Variants in TTC8 observed in about 807,000 individuals in gnomAD.
The protein encoded by TTC8 is tetratricopeptide repeat protein 8.
A neutral mutation model predicts 72.5 loss-of-function variants in TTC8; 47 were observed. The observed-to-expected ratio is 0.65, with a 90% CI of 0.51 to 0.83. TTC8 has a LOEUF of 0.83. TTC8 is among the 40% of genes least tolerant of loss of function. The pLI is 0.00. For synonymous variants in TTC8, 199 were observed against 221.4 expected (o/e 0.90, Z 0.90); for missense variants, 611 against 623.2 (o/e 0.98, Z 0.21).
chr14:88,838,038 C>T (rs914811043), intron 2 of TTC8, among the ~76,000 whole-genome samples: 1 of 152,166 alleles, frequency 6.6e-6, no homozygotes, highest in Non-Finnish European at 1.5e-5. Flanking sequence ...AAAAGCCAAT[C>T]ATCTAACCAA....
intron 1 of TTC8, among the ~76,000 whole-genome samples, chr14:88,825,972 ATTTTTTTTAT>A (rs1440283562): frequency 5.9e-5 from 9 of 151,500 alleles, no homozygotes; most frequent in South Asian, 2.1e-4. Context: ...GTTTTTTTAA[ATTTTTTTTAT>A]TTTTTTTTAT....
chr14:88,824,492 T>C, upstream of TTC8: 2 of 579,306 alleles, frequency 3.5e-6, no homozygotes, highest in South Asian at 4.2e-5. Flanking sequence ...CCTTTAAAAG[T>C]AGACATCTTT....
In TTC8 at chr14:88,872,399, G is replaced by A. The variant is rs114401181; in HGVS notation, c.1294G>A (p.Glu432Lys). 435 of 1,613,968 alleles carry A rather than the reference G, an allele frequency of 2.7e-4. No homozygotes were observed. Among genetic ancestry groups the A allele is most frequent in the Non-Finnish European group, 3.5e-4 (415 of 1,179,924 alleles). Residue 432 changes from glutamate (E) to lysine (K), a missense_variant, in exon 13 of 15, where the codon GAG (glutamate) becomes AAG (lysine). Transcript: ENST00000380656. ...TCTGGTCAACAACAACAACCACGCC[G>A]AGGCCTACAACAACCTGGCTGTGCT... ...LALVNNNNHAEAYNNLAVLEM... is the reference protein window; with the variant it reads ...LALVNNNNHAKAYNNLAVLEM...
At chr14:88,842,034 T>G (rs1156388502) in intron 6 of TTC8, among the ~76,000 whole-genome samples, 1 of 151,130 alleles carries the variant, frequency 6.6e-6, no homozygotes, top group East Asian at 1.9e-4. Flanking sequence ...CTCCTTTAAA[T>G]TAAAGAGAAA....
At position 88,870,158 on chromosome 14, in the gene TTC8, T is replaced by G; in HGVS notation, c.1009T>G (p.Phe337Val). Residue 337 changes from phenylalanine (F) to valine (V), a missense_variant, in exon 11 of 15, where the codon TTC becomes GTC. Coordinates refer to ENST00000380656, the MANE Select transcript of TTC8 (RefSeq NM_144596.4). ...EAIACIGSNH[F>V]YSDQPEIALR... ...CATCGCATGCATTGGAAGCAACCAC[T>G]TCTATTCTGATCAGCCAGAAATAGC... 1 of 1,614,148 alleles carries G rather than the reference T, an allele frequency of 6.2e-7. No homozygotes were observed. The highest frequency in any genetic ancestry group is 1.1e-5 in the South Asian group (1 of 91,088).
At chr14:88,849,141 T>G (rs1387068469) in intron 7 of TTC8, among the ~76,000 whole-genome samples, 1 of 152,206 alleles carries the variant, frequency 6.6e-6, no homozygotes, top group African/African-American at 2.4e-5. Flanking sequence ...AGTTTATTCT[T>G]TAAATAATAA....
At chr14:88,839,615 G>C (rs1439414542) in intron 3 of TTC8, 43 bp downstream of exon 3, 2 of 1,605,052 alleles carry the variant, frequency 1.2e-6, no homozygotes, top group East Asian at 4.5e-5. Context: ...ATACCATTAA[G>C]AGGAAGAATA....
chr14:88,840,467 A>G (rs1355637285), intron 3 of TTC8, among the ~76,000 whole-genome samples: 1 of 151,976 alleles, frequency 6.6e-6, no homozygotes, highest in Admixed American at 6.6e-5. Context: ...TAAATTCTAG[A>G]TATTGTGGGT....
At chr14:88,846,757 T>C in intron 7 of TTC8, 1 of 788,542 alleles carries the variant, frequency 1.3e-6, no homozygotes, top group Non-Finnish European at 1.9e-6. Context: ...ACATATTATG[T>C]TAGTATCATA....
At chr14:88,849,480 A>C (rs917355793) in intron 7 of TTC8, among the ~76,000 whole-genome samples, 3 of 152,222 alleles carry the variant, frequency 2.0e-5, no homozygotes, top group African/African-American at 7.2e-5. Context: ...GGTGGCCTCC[A>C]AATTTCTCTT....
At chr14:88,846,902 C>A in intron 7 of TTC8, 1 of 302,880 alleles carries the variant, frequency 3.3e-6, no homozygotes, top group Non-Finnish European at 6.1e-6. Context: ...GTAAAACAGA[C>A]AAAAGGTGAG....
chr14:88,846,916 C>T (rs1285568670), intron 7 of TTC8: 1 of 278,008 alleles, frequency 3.6e-6, no homozygotes, highest in Non-Finnish European at 6.7e-6. Flanking sequence ...AGGTGAGCTA[C>T]TTGAATTATA....
chr14:88,845,835 C>G (rs146150915), intron 7 of TTC8, among the ~76,000 whole-genome samples: 1 of 152,262 alleles, frequency 6.6e-6, no homozygotes, highest in Non-Finnish European at 1.5e-5. Flanking sequence ...CAGACAAAGT[C>G]TCTGCTCTTT....
chr14:88,860,613 T>C (rs921043308), intron 9 of TTC8, among the ~76,000 whole-genome samples: 11 of 152,152 alleles, frequency 7.2e-5, no homozygotes, highest in Non-Finnish European at 1.6e-4. Context: ...ATCATACCTG[T>C]TCTATCCTAA....
intron 11 of TTC8, among the ~76,000 whole-genome samples, chr14:88,870,879 T>TA (rs1228183616): frequency 6.6e-6 from 1 of 152,220 alleles, no homozygotes; most frequent in Non-Finnish European, 1.5e-5. Flanking sequence ...CAGCTGACTC[T>TA]ACTCCCCAAC....
At chr14:88,834,469 G>T (rs557717913) in intron 2 of TTC8, among the ~76,000 whole-genome samples, 2 of 152,224 alleles carry the variant, frequency 1.3e-5, no homozygotes, top group South Asian at 2.1e-4. Context: ...GTTAACAGCG[G>T]TTTTTTTAGG....
intron 10 of TTC8, among the ~76,000 whole-genome samples, chr14:88,866,044 A>G (rs1224317861): frequency 6.6e-6 from 1 of 152,154 alleles, no homozygotes; most frequent in Non-Finnish European, 1.5e-5. Flanking sequence ...TGCCAGATTT[A>G]AAACTTTAAA....
chr14:88,854,454 C>A (rs1027537388), intron 8 of TTC8, among the ~76,000 whole-genome samples: 8 of 152,074 alleles, frequency 5.3e-5, no homozygotes, highest in African/African-American at 1.9e-4. Flanking sequence ...ATTAGATTGT[C>A]CGTTCTTTCA....
At chr14:88,860,899 G>T (rs1306553878) in intron 9 of TTC8, among the ~76,000 whole-genome samples, 1 of 151,492 alleles carries the variant, frequency 6.6e-6, no homozygotes, top group Admixed American at 6.6e-5. Context: ...GACCTCCCAG[G>T]CTCTAGTGAT....
Sources: allele counts gnomAD v4.1 joint callset (sites outside exome capture counted in the v4.1 genomes callset), GRCh38; gene constraint gnomAD v4.1.1; transcripts MANE v1.5; gene names NCBI Gene and HGNC (gene_info 2026-07-23, HGNC 2026-07-21).